Variants in FOCAD observed in about 807,000 individuals in gnomAD.
The protein encoded by FOCAD is KIAA1797.
A neutral mutation model predicts 225.6 loss-of-function variants in FOCAD; 198 were observed. The ratio of observed to expected loss-of-function variants is 0.88; its 90% CI spans 0.78 to 0.99. The LOEUF is 0.99. Ranked by LOEUF, FOCAD falls within the 50% of genes least tolerant of loss-of-function variation. The probability of loss-of-function intolerance (pLI) is 0.00; values close to 1 mark genes in which losing one functional copy is unlikely to be tolerated. For missense variants in FOCAD, 2,713 were observed against 2,123.6 expected (o/e 1.28, Z -5.46); for synonymous variants, 897 against 755.0 (o/e 1.19, Z -3.08).
At chr9:20,733,611 G>GT (rs1228592860) in intron 4 of FOCAD, among the ~76,000 whole-genome samples, 2 of 152,164 alleles carry the variant, frequency 1.3e-5, no homozygotes, top group South Asian at 2.1e-4. Flanking sequence ...GCGGTGTTTG[G>GT]TTTTTTGTCC....
At chr9:20,804,233 T>C (rs1822165879) in intron 11 of FOCAD, among the ~76,000 whole-genome samples, 1 of 152,092 alleles carries the variant, frequency 6.6e-6, no homozygotes, top group Non-Finnish European at 1.5e-5. Flanking sequence ...GATAAATTGA[T>C]GAAATATCAT....
intron 4 of FOCAD, among the ~76,000 whole-genome samples, chr9:20,732,246 A>G (rs1480109918): frequency 2.0e-5 from 3 of 152,230 alleles, no homozygotes; most frequent in Non-Finnish European, 1.5e-5. Context: ...ACTCATTCAA[A>G]GTATACTGTG....
intron 41 of FOCAD, among the ~76,000 whole-genome samples, chr9:20,989,512 G>A (rs1193485341): frequency 6.6e-6 from 1 of 152,034 alleles, no homozygotes; most frequent in Non-Finnish European, 1.5e-5. Flanking sequence ...ATAGATCCTG[G>A]ACAGGTGTTT....
chr9:20,735,665 G>A (rs1045569851), intron 4 of FOCAD, among the ~76,000 whole-genome samples: 18 of 151,570 alleles, frequency 1.2e-4, no homozygotes, highest in Middle Eastern at 3.2e-3. Flanking sequence ...ACAAGTGTGT[G>A]CCATCATGCT....
rs375110882 is a variant in FOCAD, at chr9:20,990,192, C to A, written c.5074C>A (p.Leu1692Ile). The stretch of plus-strand genomic sequence containing the variant: ...ATGGGCTGACCACACTGCCCCTCTC[C>A]TCCTCGGCCTCAGTGCCAGTTGGTT... ...VAWADHTAPL[L>I]LGLSASWLPW... The change falls in exon 42 of 44, where the codon CTC (leucine) becomes ATC (isoleucine). Residue 1692 changes from leucine (L) to isoleucine (I), a missense_variant. Coordinates refer to ENST00000338382, the MANE Select transcript of FOCAD (RefSeq NM_001375567.1). 2 of 1,614,226 alleles carry A rather than the reference C, an allele frequency of 1.2e-6. No homozygotes were observed. Among genetic ancestry groups the A allele is most frequent in the Non-Finnish European group, 8.5e-7 (1 of 1,180,036 alleles).
intron 42 of FOCAD, among the ~76,000 whole-genome samples, chr9:20,991,652 A>G (rs969850805): frequency 2.0e-5 from 3 of 152,072 alleles, no homozygotes; most frequent in Non-Finnish European, 4.4e-5. Context: ...GTCTCTACTA[A>G]AAATGCAAGA....
intron 15 of FOCAD, among the ~76,000 whole-genome samples, chr9:20,828,233 A>G (rs1825114552): frequency 6.6e-6 from 1 of 151,972 alleles, no homozygotes; most frequent in Admixed American, 6.6e-5. Context: ...GATGATAGAT[A>G]TATTAGTTTG....
intron 28 of FOCAD, among the ~76,000 whole-genome samples, chr9:20,944,148 T>A (rs1246220359): frequency 6.6e-6 from 1 of 152,216 alleles, no homozygotes; most frequent in Non-Finnish European, 1.5e-5. Context: ...TAGTAGTACC[T>A]CATAATCATG....
At chr9:20,673,827 C>T (rs1284011643) in intron 2 of FOCAD, among the ~76,000 whole-genome samples, 5 of 152,222 alleles carry the variant, frequency 3.3e-5, no homozygotes, top group Non-Finnish European at 5.9e-5. Context: ...CCACCTGGGC[C>T]TCTCCAAGTG....
At chr9:20,855,590 A>T (rs1828095242) in intron 15 of FOCAD, among the ~76,000 whole-genome samples, 2 of 151,720 alleles carry the variant, frequency 1.3e-5, no homozygotes, top group African/African-American at 4.8e-5. Flanking sequence ...ATTATCATTT[A>T]TCTGTGTTTG....
At chr9:20,814,408 TATAGTGGCACG>T (rs1193607217) in intron 11 of FOCAD, among the ~76,000 whole-genome samples, 1 of 151,782 alleles carries the variant, frequency 6.6e-6, no homozygotes, top group African/African-American at 2.4e-5. Flanking sequence ...CAGGCTGGAG[TATAGTGGCACG>T]ATCTTGGCTC....
At chr9:20,914,135 TAA>T (rs1833679329) in intron 23 of FOCAD, among the ~76,000 whole-genome samples, 1 of 151,624 alleles carries the variant, frequency 6.6e-6, no homozygotes, top group Non-Finnish European at 1.5e-5. Flanking sequence ...AAACCTGCAG[TAA>T]CTAATAAGCT....
chr9:20,748,727 C>T (rs990803844), intron 5 of FOCAD, among the ~76,000 whole-genome samples: 2 of 152,020 alleles, frequency 1.3e-5, no homozygotes, highest in African/African-American at 4.8e-5. Context: ...TGTTTTGCTC[C>T]TGTTTTTATT....
intron 41 of FOCAD, among the ~76,000 whole-genome samples, chr9:20,988,794 T>G (rs1318847358): frequency 1.3e-5 from 2 of 152,026 alleles, no homozygotes; most frequent in Non-Finnish European, 2.9e-5. Flanking sequence ...GTAGCTGGGA[T>G]TGATCCCATA....
At chr9:20,687,377 A>G (rs969190655) in intron 1 of FOCAD, among the ~76,000 whole-genome samples, 1 of 152,210 alleles carries the variant, frequency 6.6e-6, no homozygotes, top group African/African-American at 2.4e-5. Flanking sequence ...CATATGTTGA[A>G]CAAATGTAAT....
At chr9:20,930,947 C>T (rs1474827590) in intron 27 of FOCAD, among the ~76,000 whole-genome samples, 1 of 152,152 alleles carries the variant, frequency 6.6e-6, no homozygotes, top group African/African-American at 2.4e-5. Flanking sequence ...GACAGTCTCT[C>T]CACCATCTGT....
In FOCAD at chr9:20,761,935, T is replaced by G. The variant is rs563176458; in HGVS notation, c.495-2934T>G. Among the ~76,000 whole-genome samples the G allele has an allele frequency of 3.9e-5, 6 of 152,350 alleles. No homozygotes were observed. In the South Asian group the frequency reaches 1.2e-3, roughly 32 times the overall value. On this transcript the variant is annotated intron_variant, in intron 6 of 43. Transcript: ENST00000338382. The stretch of plus-strand genomic sequence containing the variant: ...ATGTCTTACTCCACCGAAGTGATGA[T>G]TAATCATCAGATACCACATGCAGAA...
chr9:20,777,088 T>C (rs1205327266), intron 8 of FOCAD, among the ~76,000 whole-genome samples: 1 of 151,808 alleles, frequency 6.6e-6, no homozygotes, highest in Non-Finnish European at 1.5e-5. Context: ...TCTTTTGTTG[T>C]TTTTTTTCAA....
At chr9:20,667,703 T>G (rs942414122) in intron 2 of FOCAD, among the ~76,000 whole-genome samples, 3 of 152,296 alleles carry the variant, frequency 2.0e-5, no homozygotes, top group Admixed American at 2.0e-4. Context: ...TGGTCACTAT[T>G]GTGACAGGAA....
Sources: gnomAD v4.1 joint callset for allele counts (sites outside exome capture counted in the v4.1 genomes callset) on GRCh38, gnomAD v4.1.1 for gene constraint, MANE v1.5 for transcripts, NCBI Gene and HGNC (gene_info 2026-07-23, HGNC 2026-07-21) for gene names.